Variants in TKTL1 observed in about 807,000 individuals in gnomAD.
The protein encoded by TKTL1 is transketolase-like protein 1.
A neutral mutation model predicts 39.3 loss-of-function variants in TKTL1; 1 was observed. The observed-to-expected ratio is 0.03, with a 90% CI of 0.01 to 0.12. The LOEUF (loss-of-function observed/expected upper bound fraction) is 0.12. Ranked by LOEUF, TKTL1 falls within the 10% of genes least tolerant of loss-of-function variation. The pLI, the probability that TKTL1 is intolerant of heterozygous loss-of-function variation, is 1.00. For missense variants in TKTL1, 575 were observed against 509.6 expected (o/e 1.13, Z -1.24); for synonymous variants, 262 against 193.8 (o/e 1.35, Z -2.92).
At chrX:154,313,276 C>T (rs1291337504) in intron 6 of TKTL1, among the ~76,000 whole-genome samples, 1 of 112,393 alleles carries the variant, frequency 8.9e-6, no homozygotes, top group Admixed American at 9.4e-5. Flanking sequence ...TGGCCCCAGG[C>T]GGGCTGACCT....
intron 7 of TKTL1, among the ~76,000 whole-genome samples, chrX:154,318,790 A>T (rs1557169998): frequency 2.8e-5 from 3 of 109,010 alleles, no homozygotes; most frequent in Non-Finnish European, 5.7e-5. Context: ...AAAAAAATTC[A>T]TGCCAAGCCA....
intron 2 of TKTL1, among the ~76,000 whole-genome samples, chrX:154,307,941 G>A (rs924615944): frequency 9.0e-6 from 1 of 111,731 alleles, no homozygotes; most frequent in African/African-American, 3.3e-5. Context: ...AGAGAATTCC[G>A]GGGAAGGTCA....
At chrX:154,308,849 T>C (rs1416731344) in intron 2 of TKTL1, among the ~76,000 whole-genome samples, 2 of 110,850 alleles carry the variant, frequency 1.8e-5, no homozygotes, top group African/African-American at 6.6e-5. Flanking sequence ...GACCTGAGTT[T>C]TATAAACCAG....
chrX:154,300,010 A>ATTTTTTTTT (rs1169453325), intron 1 of TKTL1, among the ~76,000 whole-genome samples: 4 of 86,680 alleles, frequency 4.6e-5, no homozygotes, highest in Non-Finnish European at 6.7e-5. Context: ...TACTTTTAGT[A>ATTTTTTTTT]TTTTTTTTTT....
At chrX:154,318,100 G>C (rs2067416351) in intron 7 of TKTL1, among the ~76,000 whole-genome samples, 1 of 110,641 alleles carries the variant, frequency 9.0e-6, no homozygotes, top group South Asian at 3.8e-4. Flanking sequence ...ATGGAGTCTT[G>C]CTCTGTCACC....
intron 3 of TKTL1, 78 bp downstream of exon 3, chrX:154,309,520 A>AG: frequency 1.2e-6 from 1 of 863,400 alleles, no homozygotes; most frequent in East Asian, 3.1e-5. Flanking sequence ...GCAGCCACCT[A>AG]TCTCCGTGAT....
intron 7 of TKTL1, among the ~76,000 whole-genome samples, chrX:154,317,678 G>A (rs2067412174): frequency 8.9e-6 from 1 of 112,935 alleles, no homozygotes; most frequent in East Asian, 2.8e-4. Flanking sequence ...AGGAGAGGGT[G>A]ACTTGGACCA....
At chrX:154,318,313 G>A (rs1298664198) in intron 7 of TKTL1, among the ~76,000 whole-genome samples, 1 of 110,827 alleles carries the variant, frequency 9.0e-6, no homozygotes, top group Non-Finnish European at 1.9e-5. Context: ...CTCAAATCAT[G>A]CCATTAATGA....
At chrX:154,321,899 G>A (rs2067454314) in intron 8 of TKTL1, among the ~76,000 whole-genome samples, 1 of 109,380 alleles carries the variant, frequency 9.1e-6, no homozygotes, top group African/African-American at 3.3e-5. Flanking sequence ...TGTTGCAGGG[G>A]CAGAGGGGCC....
intron 1 of TKTL1, among the ~76,000 whole-genome samples, chrX:154,303,176 T>TA (rs1557166352): frequency 4.4e-5 from 4 of 91,163 alleles, no homozygotes; most frequent in South Asian, 1.2e-3. Context: ...TTTTTTAAAA[T>TA]TTTTATTTAT....
Position 154,310,741 on chromosome X carries a change from C to T in TKTL1, c.351-95C>T, listed in dbSNP as rs1433205496. ...GGAAGCGAATGGTCTGGAGCAGCAGCTCCAGTTGCGTCCGTTTCTCCTCCT... is the reference window on the plus strand; with the variant it reads ...GGAAGCGAATGGTCTGGAGCAGCAGTTCCAGTTGCGTCCGTTTCTCCTCCT... On this transcript the variant is annotated intron_variant, in intron 3 of 12. Transcript: ENST00000369915. 17 of 756,853 alleles carry T rather than the reference C, an allele frequency of 2.2e-5. 1 individual carries two copies. In the Admixed American group the frequency reaches 4.5e-4, roughly 20 times the overall value. The allele number at this position is 756,853 out of a possible 1,213,427, so 62.4% of individuals were successfully genotyped here. A position where few individuals can be genotyped will look rare whatever the true frequency, so the allele number is the denominator to read the frequency against.
intron 1 of TKTL1, among the ~76,000 whole-genome samples, chrX:154,298,141 T>C (rs1557165065): frequency 1.8e-5 from 2 of 111,686 alleles, no homozygotes; most frequent in South Asian, 7.4e-4. Flanking sequence ...TTTGTTGGCA[T>C]GCAGTTATTC....
At chrX:154,296,164 G>A (rs1484099278) in intron 1 of TKTL1, among the ~76,000 whole-genome samples, 171 bp downstream of exon 1, 7 of 111,359 alleles carry the variant, frequency 6.3e-5, no homozygotes, top group African/African-American at 2.3e-4. Flanking sequence ...CTAGATGGCA[G>A]CGAGGCACTA....
In TKTL1 at chrX:154,325,024, G is replaced by A. The variant is rs145195487; in HGVS notation, c.1318-315G>A. 2.9e-4 allele frequency among the ~76,000 whole-genome samples: 32 copies of A among 111,748 alleles called. No individual in the cohort carries two copies. The East Asian group carries it at 7.9e-3, about 28-fold the overall frequency. Reference sequence around the variant, plus strand: ...AAGTTAATGTTTTAACATTCTATTCGGGCTTTCTAGTCAATGTGAGTCAGT... The same window carrying A: ...AAGTTAATGTTTTAACATTCTATTCAGGCTTTCTAGTCAATGTGAGTCAGT... On this transcript the variant is annotated intron_variant, in intron 9 of 12. Coordinates refer to ENST00000369915, the MANE Select transcript of TKTL1 (RefSeq NM_012253.4).
At chrX:154,317,308 C>T (rs2067408956) in intron 7 of TKTL1, among the ~76,000 whole-genome samples, 1 of 111,872 alleles carries the variant, frequency 8.9e-6, no homozygotes, top group Non-Finnish European at 1.9e-5. Flanking sequence ...TGACCAGGGG[C>T]AGTCAGGGAC....
chrX:154,320,693 G>C, intron 7 of TKTL1, 64 bp from the exon 8 acceptor site: 2 of 1,101,974 alleles, frequency 1.8e-6, no homozygotes, highest in Middle Eastern at 3.0e-4. Flanking sequence ...CATGGGGACT[G>C]TGGGAGAAGG....
intron 1 of TKTL1, among the ~76,000 whole-genome samples, chrX:154,297,016 A>AG (rs1557164749): frequency 9.0e-6 from 1 of 111,625 alleles, no homozygotes; most frequent in African/African-American, 3.3e-5. Context: ...AACCCAGCTG[A>AG]GGGCGGTGGC....
chrX:154,303,177 TTTTATTTATTTATTTATTTATTTATTTA>T (rs201017132), intron 1 of TKTL1, among the ~76,000 whole-genome samples: 1 of 88,818 alleles, frequency 1.1e-5, no homozygotes, highest in African/African-American at 4.5e-5. Context: ...TTTTTAAAAT[TTTTATTTATTTATTTATTTATTTATTTA>T]TTTATTTATT....
At chrX:154,312,856 C>T in intron 6 of TKTL1, 83 bp downstream of exon 6, 2 of 940,777 alleles carry the variant, frequency 2.1e-6, no homozygotes, top group Non-Finnish European at 2.9e-6. Context: ...ACACAGGATT[C>T]TTCATTTATT....
Sources: gnomAD v4.1 joint callset for allele counts (sites outside exome capture counted in the v4.1 genomes callset) on GRCh38, gnomAD v4.1.1 for gene constraint, MANE v1.5 for transcripts, NCBI Gene and HGNC (gene_info 2026-07-23, HGNC 2026-07-21) for gene names.